The following SIPA1L2 variants were observed in gnomAD, a reference collection of about 807,000 sequenced individuals.
SIPA1L2 encodes signal-induced proliferation-associated 1-like protein 2.
In SIPA1L2, 56 loss-of-function variants were observed where a neutral mutation model predicts 163.9. That is an observed-to-expected ratio of 0.34 (90% CI 0.28 to 0.43). SIPA1L2 has a LOEUF of 0.43. Ranked by LOEUF, SIPA1L2 falls within the 20% of genes least tolerant of loss-of-function variation. The probability of loss-of-function intolerance (pLI) is 1.00; values close to 1 mark genes in which losing one functional copy is unlikely to be tolerated. For missense variants in SIPA1L2, 1,974 were observed against 2,193.5 expected, an observed-to-expected ratio of 0.90 and a Z score of 2.00; for synonymous variants, 877 against 865.7, an observed-to-expected ratio of 1.01 and a Z score of -0.23.
In SIPA1L2 at chr1:232,574,214, G is replaced by A. The variant is rs1659956413; in HGVS notation, c.-310C>T. ...CAGCGGGCTCCTGCTCACACAGCCTGGCAAGAACCTACAAATGAAGAAAGA... is the reference window on the plus strand; with the variant it reads ...CAGCGGGCTCCTGCTCACACAGCCTAGCAAGAACCTACAAATGAAGAAAGA... On this transcript the variant is annotated 5_prime_UTR_variant, in exon 2 of 23. Coordinates refer to ENST00000674635, the MANE Select transcript of SIPA1L2 (RefSeq NM_020808.5). Among the ~76,000 whole-genome samples the A allele has an allele frequency of 1.3e-5, 2 of 152,276 alleles. No individual in the cohort carries two copies. Among genetic ancestry groups the A allele is most frequent in the African/African-American group, 4.8e-5 (2 of 41,560 alleles).
chr1:232,497,244 T>G (rs182662703), intron 3 of SIPA1L2, among the ~76,000 whole-genome samples: 241 of 152,322 alleles, frequency 1.6e-3, no homozygotes, highest in African/African-American at 5.7e-3. Context: ...ATTGTGGCAA[T>G]GGTAACACCA....
At chr1:232,551,816 G>A (rs1425127979) in intron 2 of SIPA1L2, among the ~76,000 whole-genome samples, 1 of 152,222 alleles carries the variant, frequency 6.6e-6, no homozygotes, top group African/African-American at 2.4e-5. Flanking sequence ...ACTTTTCCAT[G>A]AGAACAATAA....
chr1:232,629,467 G>T (rs1306974630), intron 1 of SIPA1L2, among the ~76,000 whole-genome samples: 2 of 152,236 alleles, frequency 1.3e-5, no homozygotes, highest in African/African-American at 2.4e-5. Flanking sequence ...AGCAAGTTCG[G>T]CGTCAGCTGG....
chr1:232,624,900 T>C (rs1219347817), intron 1 of SIPA1L2, among the ~76,000 whole-genome samples: 1 of 152,162 alleles, frequency 6.6e-6, no homozygotes, highest in African/African-American at 2.4e-5. Flanking sequence ...AAAAATAAGC[T>C]GAAGAAAGTC....
chr1:232,600,907 T>A (rs1481722551), intron 1 of SIPA1L2, among the ~76,000 whole-genome samples: 1 of 152,154 alleles, frequency 6.6e-6, no homozygotes, highest in Non-Finnish European at 1.5e-5. Flanking sequence ...GAATAACTGA[T>A]AAAATCATGC....
chr1:232,471,872 G>A (rs369349520), intron 7 of SIPA1L2, among the ~76,000 whole-genome samples: 3 of 152,152 alleles, frequency 2.0e-5, no homozygotes, highest in South Asian at 2.1e-4. Flanking sequence ...AGCTCTAGAC[G>A]ACAAAGTCCA....
intron 1 of SIPA1L2, among the ~76,000 whole-genome samples, chr1:232,580,526 C>G (rs917726839): frequency 6.6e-6 from 1 of 152,054 alleles, no homozygotes; most frequent in South Asian, 2.1e-4. Flanking sequence ...AGGAGCATGG[C>G]CAAAAACAGG....
In SIPA1L2 at chr1:232,499,982, C is replaced by CT. The variant is rs34385314; in HGVS notation, c.1484-6323dup. Among the ~76,000 whole-genome samples the CT allele has an allele frequency of 9.9e-3, 1,467 of 148,340 alleles. 26 individuals carry two copies. Among genetic ancestry groups the CT allele is most frequent in the African/African-American group, 0.032 (1,308 of 40,536 alleles). ...ATCTGTTTACAGTATGGTTTACTGACTTTTTTTTTTTTTGAGACGGAGTCT... is the reference window on the plus strand; with the variant it reads ...ATCTGTTTACAGTATGGTTTACTGACTTTTTTTTTTTTTTGAGACGGAGTCT... On this transcript the variant is annotated intron_variant, in intron 3 of 22. Coordinates refer to ENST00000674635, the MANE Select transcript of SIPA1L2 (RefSeq NM_020808.5).
At chr1:232,487,202 C>A (rs1665685700) in intron 5 of SIPA1L2, among the ~76,000 whole-genome samples, 1 of 152,200 alleles carries the variant, frequency 6.6e-6, no homozygotes, top group Admixed American at 6.5e-5. Context: ...AGGATAAAAA[C>A]TGGCTGCTCT....
At chr1:232,555,490 C>T (rs1044175947) in intron 2 of SIPA1L2, among the ~76,000 whole-genome samples, 20 of 152,164 alleles carry the variant, frequency 1.3e-4, no homozygotes, top group South Asian at 2.1e-4. Context: ...GAGAGAAGAA[C>T]CTCCAGTTGC....
At chr1:232,604,261 G>GT (rs1215487966) in intron 1 of SIPA1L2, among the ~76,000 whole-genome samples, 2 of 149,434 alleles carry the variant, frequency 1.3e-5, no homozygotes, top group Non-Finnish European at 2.9e-5. Flanking sequence ...TACAATTTTT[G>GT]TATTTTGACT....
Position 232,514,892 on chromosome 1 carries a change from G to T in SIPA1L2, c.448C>A (p.Gln150Lys). ...TGTCTTATGGGGTGAAGTCCTCTTT[G>T]GGGGGAATGGACAAAGATGTCTCCG... ...TIGDIFVHSP[Q>K]RGLHPIRQRS... The change falls in exon 3 of 23, where the codon CAA (glutamine) becomes AAA (lysine). Residue 150 changes from glutamine to lysine, a missense_variant. This residue lies in a region of SIPA1L2 where 607 missense variants were observed against 624.0 expected (regional missense o/e 0.97). Coordinates refer to ENST00000674635, the MANE Select transcript of SIPA1L2 (RefSeq NM_020808.5). The T allele has an allele frequency of 1.9e-6, 3 of 1,614,102 alleles. No homozygotes were observed. Among genetic ancestry groups the T allele is most frequent in the Admixed American group, 1.7e-5 (1 of 60,014 alleles).
intron 1 of SIPA1L2, among the ~76,000 whole-genome samples, chr1:232,616,349 A>C (rs1219797716): frequency 6.6e-6 from 1 of 152,224 alleles, no homozygotes; most frequent in African/African-American, 2.4e-5. Flanking sequence ...ACAGAAGCCC[A>C]GGGATAACCA....
chr1:232,497,744 C>G (rs2103009780), intron 3 of SIPA1L2, among the ~76,000 whole-genome samples: 1 of 152,306 alleles, frequency 6.6e-6, no homozygotes, highest in Middle Eastern at 3.4e-3. Flanking sequence ...CATGGCTCCT[C>G]CTCTGGCCTC....
chr1:232,423,022 C>T (rs903580526), intron 18 of SIPA1L2, among the ~76,000 whole-genome samples: 28 of 152,102 alleles, frequency 1.8e-4, no homozygotes, highest in African/African-American at 6.5e-4. Context: ...TTGAACTTTT[C>T]CCTGGCTAGT....
chr1:232,536,642 A>C (rs781064859), intron 2 of SIPA1L2, among the ~76,000 whole-genome samples: 15 of 152,200 alleles, frequency 9.9e-5, no homozygotes, highest in Non-Finnish European at 1.9e-4. Context: ...AGTTCTCCAA[A>C]AATGAAAAAT....
chr1:232,470,395 A>T (rs1332877900), intron 8 of SIPA1L2, among the ~76,000 whole-genome samples: 1 of 152,136 alleles, frequency 6.6e-6, no homozygotes, highest in Non-Finnish European at 1.5e-5. Flanking sequence ...GTAAGAACTG[A>T]TGGTTTTCAG....
rs111533347 is a variant in SIPA1L2 at position 232,585,230 on chromosome 1, C to T, written c.-318-11008G>A. ...GTATTCAAGTAAACACAACTTCTATCAATTTTCTCAGCAGCAATGTATTAG... is the reference window on the plus strand; with the variant it reads ...GTATTCAAGTAAACACAACTTCTATTAATTTTCTCAGCAGCAATGTATTAG... On this transcript the variant is annotated intron_variant, in intron 1 of 22. Transcript: ENST00000674635. 4.1e-3 allele frequency among the ~76,000 whole-genome samples: 623 copies of T among 152,310 alleles called. 2 individuals are homozygous for T. Among genetic ancestry groups the T allele is most frequent in the African/African-American group, 0.014 (589 of 41,572 alleles).
rs375655772 is a variant in SIPA1L2, at chr1:232,438,126, G to C, written c.4031+982C>G. Among the ~76,000 whole-genome samples the C allele has an allele frequency of 2.1e-3, 314 of 152,278 alleles. 2 individuals are homozygous for C. Among genetic ancestry groups the C allele is most frequent in the African/African-American group, 7.2e-3 (299 of 41,556 alleles). ...CCCTGGCAGTGGTGGGGTGAGGGGG[G>C]ACTTTGAAGGGGAGCCTGAGGAACA... On this transcript the variant is annotated intron_variant, in intron 15 of 22. Transcript: ENST00000674635.
Sources: allele counts gnomAD v4.1 joint callset (sites outside exome capture counted in the v4.1 genomes callset), GRCh38; gene constraint gnomAD v4.1.1; regional missense constraint gnomAD v4.1.1; transcripts MANE v1.5; gene names NCBI Gene and HGNC (gene_info 2026-07-23, HGNC 2026-07-21).